Variants in VPS53 observed in about 807,000 individuals in gnomAD.
VPS53 encodes the protein VPS53 subunit of GARP complex.
Under a neutral mutation model 107.0 loss-of-function variants are expected in VPS53, and 70 were observed. The observed-to-expected ratio is 0.65, with a 90% CI of 0.54 to 0.80. VPS53 has a LOEUF of 0.80. Among genes scored for constraint, VPS53 ranks in the 30% least tolerant of loss-of-function variants. The probability of loss-of-function intolerance (pLI) is 0.00; values close to 1 mark genes in which losing one functional copy is unlikely to be tolerated. For missense variants in VPS53, 917 were observed against 1,049.4 expected (o/e 0.87, Z 1.74); for synonymous variants, 409 against 393.3 (o/e 1.04, Z -0.47).
intron 7 of VPS53, among the ~76,000 whole-genome samples, chr17:639,463 G>A (rs1397837904): frequency 6.6e-6 from 1 of 152,206 alleles, no homozygotes; most frequent in Non-Finnish European, 1.5e-5. Flanking sequence ...CTGGCGAGGT[G>A]CTTTGTTCCT....
rs1908942038 is a variant in VPS53, at chr17:524,036, T to C, written c.2086-2298A>G. On this transcript the variant is annotated intron_variant, in intron 19 of 21. Coordinates refer to ENST00000437048, the MANE Select transcript of VPS53 (RefSeq NM_001128159.3). The surrounding 1 kb of genome is among the most constrained non-coding windows in gnomAD (Gnocchi z 4.5). Reference sequence around the variant, plus strand: ...AGAAAATACAGGGCGCAGTGGCTCATGCCTGTAATCCCAGCATTTTGGGAG... The same window carrying C: ...AGAAAATACAGGGCGCAGTGGCTCACGCCTGTAATCCCAGCATTTTGGGAG... 6.6e-6 allele frequency among the ~76,000 whole-genome samples: 1 copy of C among 152,178 alleles called. No individual in the cohort carries two copies. Among genetic ancestry groups the C allele is most frequent in the Non-Finnish European group, 1.5e-5 (1 of 68,032 alleles).
intron 18 of VPS53, 195 bp downstream of exon 18, chr17:536,833 T>G: frequency 1.6e-6 from 1 of 624,548 alleles, no homozygotes; most frequent in Non-Finnish European, 2.7e-6. Context: ...TGCAGGTTCA[T>G]CCACTGTAAC....
At chr17:691,162 A>T (rs1204332031) in intron 4 of VPS53, among the ~76,000 whole-genome samples, 3 of 152,206 alleles carry the variant, frequency 2.0e-5, no homozygotes, top group Non-Finnish European at 4.4e-5. Flanking sequence ...TAGAAAAGGG[A>T]ACACTTAGGA....
intron 4 of VPS53, among the ~76,000 whole-genome samples, chr17:670,586 G>A (rs532566894): frequency 4.6e-5 from 7 of 152,248 alleles, no homozygotes; most frequent in African/African-American, 1.7e-4. Flanking sequence ...AGTAGACAGA[G>A]GGGCTCTGAT....
At chr17:714,570 GCCGTCTCCCCTCCCGCACTC>G (rs1235408705) in intron 1 of VPS53, 33 bp downstream of exon 1, 2 of 1,533,970 alleles carry the variant, frequency 1.3e-6, no homozygotes, top group Non-Finnish European at 1.8e-6. Context: ...GCCCGGAGCT[GCCGTCTCCCCTCCCGCACTC>G]CCGTTTCCCC....
At chr17:642,605 G>A (rs1231170231) in intron 7 of VPS53, among the ~76,000 whole-genome samples, 1 of 149,928 alleles carries the variant, frequency 6.7e-6, no homozygotes, top group Non-Finnish European at 1.5e-5. Context: ...ACTCATACTT[G>A]GCAACTGGGG....
Position 606,196 on chromosome 17 carries a change from A to C in VPS53, c.1117-4300T>G, listed in dbSNP as rs192163279. Among the ~76,000 whole-genome samples, 17 of 152,186 alleles carry C rather than the reference A, an allele frequency of 1.1e-4. No homozygotes were observed. In the East Asian group the frequency reaches 3.3e-3, roughly 29 times the overall value. ...GAGAGAGTGAGAACGAGGGTGAGGG[A>C]ATGAAAGGAGTGAAGGGACAGTCAC... On this transcript the variant is annotated intron_variant, in intron 11 of 21. Coordinates refer to ENST00000437048, the MANE Select transcript of VPS53 (RefSeq NM_001128159.3).
chr17:665,574 C>T (rs989456201), intron 4 of VPS53, among the ~76,000 whole-genome samples: 2 of 152,112 alleles, frequency 1.3e-5, no homozygotes, highest in African/African-American at 4.8e-5. Flanking sequence ...GAAGTGAAGG[C>T]TGGAAAAAGC....
chr17:586,279 G>C lies in VPS53; in HGVS notation c.1304C>G (p.Ser435Cys), dbSNP rs757478810. The C allele has an allele frequency of 6.2e-7, 1 of 1,613,884 alleles. No individual in the cohort carries two copies. Among genetic ancestry groups the C allele is most frequent in the East Asian group, 2.2e-5 (1 of 44,876 alleles). ...FEPHLYVYIE[S>C]QDKNLGELID... ...AATGTTCCTCACTCACTTGTCTTGGGATTCGATATACACGTAGAGATGAGG... is the reference window on the plus strand; with the variant it reads ...AATGTTCCTCACTCACTTGTCTTGGCATTCGATATACACGTAGAGATGAGG... Residue 435 changes from serine to cysteine, a missense_variant, in exon 13 of 22, where the codon TCC (serine) becomes TGC (cysteine). Transcript: ENST00000437048.
intron 5 of VPS53, among the ~76,000 whole-genome samples, chr17:658,960 A>G (rs930166924): frequency 6.6e-6 from 1 of 152,124 alleles, no homozygotes; most frequent in African/African-American, 2.4e-5. Flanking sequence ...CTTAGCTATA[A>G]AAAGCCTCTT....
intron 5 of VPS53, chr17:657,486 T>C: frequency 6.8e-7 from 1 of 1,474,556 alleles, no homozygotes; most frequent in Non-Finnish European, 9.5e-7. Context: ...GGTCAATTTA[T>C]CCAGCATCCA....
intron 7 of VPS53, among the ~76,000 whole-genome samples, chr17:647,336 C>A (rs1225991961): frequency 6.6e-6 from 1 of 152,198 alleles, no homozygotes; most frequent in Admixed American, 6.5e-5. Flanking sequence ...CTTCTCCATA[C>A]AAAAATGGTG....
chr17:643,871 G>A lies in VPS53; in HGVS notation c.608+9420C>T, dbSNP rs538364324. Among the ~76,000 whole-genome samples, 120 of 152,370 alleles carry A rather than the reference G, an allele frequency of 7.9e-4. 1 individual carries two copies. The highest frequency in any genetic ancestry group is 1.2e-3 in the Non-Finnish European group (84 of 68,036). On this transcript the variant is annotated intron_variant, in intron 7 of 21. Coordinates refer to ENST00000437048, the MANE Select transcript of VPS53 (RefSeq NM_001128159.3). ...CATACGTGTCAACCCAGGAGGCCCA[G>A]GAGGAACTTGTCGAGGCCATAGAGC...
rs928411925 is a variant in VPS53 at position 511,413 on chromosome 17, T to C, written c.*7715A>G. ...TTACCCAAAACAGGAGGCAAGACAATTGTGCAAATTCCATTTGATGACTGA... is the reference window on the plus strand; with the variant it reads ...TTACCCAAAACAGGAGGCAAGACAACTGTGCAAATTCCATTTGATGACTGA... On this transcript the variant is annotated 3_prime_UTR_variant, in exon 22 of 22. Transcript: ENST00000437048. 1 of 152,158 alleles carries C rather than the reference T, an allele frequency of 6.6e-6. No homozygotes were observed. The highest frequency in any genetic ancestry group is 2.4e-5 in the African/African-American group (1 of 41,426). 9.4% of individuals were successfully genotyped at this position (152,158 alleles called of 1,614,324 possible).
Position 552,081 on chromosome 17 carries a change from C to T in VPS53, c.1788-131G>A, listed in dbSNP as rs555235734. 168 of 769,368 alleles carry T rather than the reference C, an allele frequency of 2.2e-4. 2 individuals are homozygous for T. The East Asian group carries it at 3.8e-3, about 17-fold the overall frequency. 47.7% of individuals were successfully genotyped at this position (769,368 alleles called of 1,614,324 possible). On this transcript the variant is annotated intron_variant, in intron 16 of 21. Transcript: ENST00000437048. ...AAGTTTGAGCTTTAATTAATGACAG[C>T]GGAGGAACAGCTTGGCTCTTTCTTC... is the stretch of plus-strand genomic sequence containing the variant.
At chr17:582,412 CT>C (rs1182372489) in intron 13 of VPS53, among the ~76,000 whole-genome samples, 2 of 147,768 alleles carry the variant, frequency 1.4e-5, no homozygotes, top group African/African-American at 2.4e-5. Context: ...CCCTCAGGAC[CT>C]CAATGCGTTC....
chr17:521,037 C>T (rs370034292), intron 20 of VPS53, among the ~76,000 whole-genome samples: 6 of 152,306 alleles, frequency 3.9e-5, no homozygotes, highest in East Asian at 1.9e-4. Flanking sequence ...ACCACATCAC[C>T]ACAGGACCAT....
At chr17:570,995 T>C (rs1172429945) in intron 13 of VPS53, among the ~76,000 whole-genome samples, 7 of 152,166 alleles carry the variant, frequency 4.6e-5, no homozygotes, top group Admixed American at 3.9e-4. Context: ...TGGCGAATCT[T>C]GTCTGCAACT....
At chr17:665,166 G>A (rs1015649811) in intron 4 of VPS53, among the ~76,000 whole-genome samples, 18 of 152,312 alleles carry the variant, frequency 1.2e-4, no homozygotes, top group Non-Finnish European at 2.4e-4. Context: ...TCTCGGGAGT[G>A]GGTTCTTGAT....
Sources: allele counts gnomAD v4.1 joint callset (sites outside exome capture counted in the v4.1 genomes callset), GRCh38; gene constraint gnomAD v4.1.1; non-coding constraint Gnocchi (gnomAD v3.1); transcripts MANE v1.5; gene names NCBI Gene and HGNC (gene_info 2026-07-23, HGNC 2026-07-21).